Variants in SVIL observed in about 807,000 individuals in gnomAD.
SVIL encodes archvillin.
Under a neutral mutation model 240.4 loss-of-function variants are expected in SVIL, and 101 were observed. The ratio of observed to expected loss-of-function variants is 0.42; its 90% CI spans 0.36 to 0.50. The LOEUF (loss-of-function observed/expected upper bound fraction) is 0.50. Among genes scored for constraint, SVIL ranks in the 20% least tolerant of loss-of-function variants. SVIL has a pLI of 0.01. For synonymous variants in SVIL, 999 were observed against 1,100.0 expected, an observed-to-expected ratio of 0.91 and a Z score of 1.82; for missense variants, 2,512 against 2,818.7, an observed-to-expected ratio of 0.89 and a Z score of 2.46.
chr10:29,643,870 G>A, intron 3 of SVIL: 1 of 425,734 alleles, frequency 2.3e-6, no homozygotes, highest in South Asian at 1.7e-5. Flanking sequence ...TCAACACAAA[G>A]AGAACTGCTG....
At chr10:29,623,778 G>A (rs1957756837) in intron 1 of SVIL, among the ~76,000 whole-genome samples, 1 of 151,490 alleles carries the variant, frequency 6.6e-6, no homozygotes. Context: ...TTGAACCCAG[G>A]AGGGGGAGGT....
chr10:29,507,401 C>T (rs543602150), intron 17 of SVIL, among the ~76,000 whole-genome samples: 17 of 152,260 alleles, frequency 1.1e-4, no homozygotes, highest in African/African-American at 4.1e-4. Flanking sequence ...TTAATGCCAT[C>T]CAGTCCACCT....
rs183420877 is a variant in SVIL, at chr10:29,476,657, A to T, written c.5378-2668T>A. On this transcript the variant is annotated intron_variant, in intron 29 of 37. Coordinates refer to ENST00000355867, the MANE Select transcript of SVIL (RefSeq NM_021738.3). ...TGGCCTTAAGTGATTTTCCCACCTCAGCTTCCCAAAACTCTGGGGTTACAA... is the reference window on the plus strand; with the variant it reads ...TGGCCTTAAGTGATTTTCCCACCTCTGCTTCCCAAAACTCTGGGGTTACAA... Among the ~76,000 whole-genome samples, 76 of 152,294 alleles carry T rather than the reference A, an allele frequency of 5.0e-4. 1 individual carries two copies. Among genetic ancestry groups the T allele is most frequent in the African/African-American group, 1.8e-3 (73 of 41,568 alleles).
intron 1 of SVIL, among the ~76,000 whole-genome samples, chr10:29,712,308 T>C (rs1332590832): frequency 1.3e-5 from 2 of 152,188 alleles, no homozygotes; most frequent in African/African-American, 4.8e-5. Context: ...ATGAATAGAT[T>C]AATGCTCTTT....
chr10:29,666,920 A>G (rs893552120), intron 2 of SVIL, among the ~76,000 whole-genome samples: 2 of 152,088 alleles, frequency 1.3e-5, no homozygotes, highest in South Asian at 2.1e-4. Context: ...TTCCTTTATA[A>G]ATTACCCAGT....
intron 3 of SVIL, among the ~76,000 whole-genome samples, chr10:29,558,153 A>G (rs1954110361): frequency 6.6e-6 from 1 of 152,158 alleles, no homozygotes. Flanking sequence ...CACAGTACAG[A>G]CGCCACTAGC....
intron 1 of SVIL, among the ~76,000 whole-genome samples, chr10:29,717,602 T>C (rs1963708403): frequency 6.6e-6 from 1 of 152,220 alleles, no homozygotes. Flanking sequence ...GAATTTAATG[T>C]CAACAATTCT....
At chr10:29,472,297 T>C (rs1281655748) in intron 30 of SVIL, among the ~76,000 whole-genome samples, 1 of 152,174 alleles carries the variant, frequency 6.6e-6, no homozygotes, top group African/African-American at 2.4e-5. Flanking sequence ...TAGGAATAAA[T>C]TAAAATGCAA....
chr10:29,586,955 C>T (rs1021682871), intron 1 of SVIL, among the ~76,000 whole-genome samples: 2 of 152,098 alleles, frequency 1.3e-5, no homozygotes, highest in Admixed American at 1.3e-4. Context: ...AAGCTTAGTA[C>T]CTGGGTGATG....
intron 26 of SVIL, among the ~76,000 whole-genome samples, 173 bp downstream of exon 26, chr10:29,485,912 T>C (rs1263187668): frequency 1.3e-5 from 2 of 152,272 alleles, no homozygotes; most frequent in African/African-American, 4.8e-5. Flanking sequence ...GCATTTAAGA[T>C]ACCAGTAATG....
intron 36 of SVIL, 141 bp downstream of exon 36, chr10:29,462,136 A>G (rs1011797056): frequency 9.0e-6 from 10 of 1,111,992 alleles, no homozygotes; most frequent in South Asian, 1.7e-5. Flanking sequence ...AGCAAATTCT[A>G]TGTAGGTTTG....
intron 2 of SVIL, among the ~76,000 whole-genome samples, chr10:29,660,461 A>C (rs1959124341): frequency 6.6e-6 from 1 of 152,156 alleles, no homozygotes; most frequent in South Asian, 2.1e-4. Context: ...AAAATATAAA[A>C]AATTAGCCAG....
rs1952155268 is a variant in SVIL at position 29,541,508 on chromosome 10, A to G, written c.828-5439T>C. Reference sequence around the variant, plus strand: ...AGGACTTCTTGAGTACTGAAAATGTAGCATTTTCTGGGGGCAGAAGCAGGA... The same window carrying G: ...AGGACTTCTTGAGTACTGAAAATGTGGCATTTTCTGGGGGCAGAAGCAGGA... On this transcript the variant is annotated intron_variant, in intron 6 of 37. Transcript: ENST00000355867. 2.0e-5 allele frequency among the ~76,000 whole-genome samples: 3 copies of G among 152,238 alleles called. No homozygotes were observed. In the South Asian group the frequency reaches 6.2e-4, roughly 32 times the overall value.
At chr10:29,722,870 C>T (rs959022262) in intron 1 of SVIL, among the ~76,000 whole-genome samples, 1 of 152,110 alleles carries the variant, frequency 6.6e-6, no homozygotes, top group Non-Finnish European at 1.5e-5. Context: ...GTGAATGTGA[C>T]CCTGGAATCA....
chr10:29,632,299 T>C (rs1692610106), intron 1 of SVIL, among the ~76,000 whole-genome samples: 1 of 152,078 alleles, frequency 6.6e-6, no homozygotes, highest in African/African-American at 2.4e-5. Context: ...AAGACCAACC[T>C]GGGCAACATG....
At chr10:29,554,383 C>T (rs759209033) in intron 5 of SVIL, among the ~76,000 whole-genome samples, 2 of 152,020 alleles carry the variant, frequency 1.3e-5, no homozygotes, top group South Asian at 4.2e-4. Context: ...CACTGGCTCA[C>T]GCTTGTATTT....
chr10:29,671,927 T>G, intron 2 of SVIL, among the ~76,000 whole-genome samples: 1 of 152,190 alleles, frequency 6.6e-6, no homozygotes, highest in Middle Eastern at 3.2e-3. Context: ...ATTGGGTCAG[T>G]CTGAATCTCT....
intron 17 of SVIL, among the ~76,000 whole-genome samples, chr10:29,504,206 A>G (rs1368121335): frequency 6.6e-6 from 1 of 152,228 alleles, no homozygotes; most frequent in Non-Finnish European, 1.5e-5. Context: ...ATGGATCACA[A>G]AAGCCTAACT....
Position 29,526,305 on chromosome 10 carries a change from CTT to C in SVIL, c.2342+654_2342+655del, listed in dbSNP as rs36004446. Among the ~76,000 whole-genome samples, 758 of 114,952 alleles carry C rather than the reference CTT, an allele frequency of 6.6e-3. 5 individuals are homozygous for C. Among genetic ancestry groups the C allele is most frequent in the African/African-American group, 0.023 (678 of 29,438 alleles). The allele number at this position is 114,952 out of a possible 152,430, so 75.4% of individuals were successfully genotyped here. On this transcript the variant is annotated intron_variant, in intron 13 of 37. Transcript: ENST00000355867. Reference sequence around the variant, plus strand: ...TTTTTTTCTTTCTTTTTTTCTCTTTCTTTTTTTTTTTTTTTTTTGAGACAGAG... The same window carrying C: ...TTTTTTTCTTTCTTTTTTTCTCTTTCTTTTTTTTTTTTTTTTGAGACAGAG...
Sources: gnomAD v4.1 joint callset for allele counts (sites outside exome capture counted in the v4.1 genomes callset) on GRCh38, gnomAD v4.1.1 for gene constraint, MANE v1.5 for transcripts, NCBI Gene and HGNC (gene_info 2026-07-23, HGNC 2026-07-21) for gene names.